Variants in FBXL7 observed in about 807,000 individuals in gnomAD.
FBXL7 encodes the protein F-box and leucine rich repeat protein 7, also known as F-box/LRR-repeat protein 7.
In FBXL7, 12 loss-of-function variants were observed where a neutral mutation model predicts 38.3. The observed-to-expected ratio is 0.31, with a 90% confidence interval of 0.20 to 0.51. The LOEUF is 0.51. FBXL7 is among the 20% of genes least tolerant of loss of function. FBXL7 has a pLI of 0.98. For synonymous variants in FBXL7, 297 were observed against 300.9 expected, an observed-to-expected ratio of 0.99 and a Z score of 0.13; for missense variants, 567 against 676.4, an observed-to-expected ratio of 0.84 and a Z score of 1.79.
chr5:15,769,623 A>G (rs1736677769), intron 2 of FBXL7, among the ~76,000 whole-genome samples: 2 of 152,212 alleles, frequency 1.3e-5, no homozygotes, highest in African/African-American at 2.4e-5. Flanking sequence ...TGTGGTAACT[A>G]TATCAAAATA....
chr5:15,705,053 T>C (rs903046604), intron 2 of FBXL7, among the ~76,000 whole-genome samples: 5 of 152,272 alleles, frequency 3.3e-5, no homozygotes, highest in African/African-American at 1.2e-4. Context: ...ACTCAGAGCT[T>C]CAGAGATGCC....
At chr5:15,709,975 A>G (rs139539767) in intron 2 of FBXL7, among the ~76,000 whole-genome samples, 7 of 152,244 alleles carry the variant, frequency 4.6e-5, no homozygotes, top group African/African-American at 1.4e-4. Context: ...ACCTATTAAA[A>G]CTATCACACT....
intron 1 of FBXL7, among the ~76,000 whole-genome samples, chr5:15,547,540 A>C (rs1450438701): frequency 6.6e-6 from 1 of 152,216 alleles, no homozygotes; most frequent in Admixed American, 6.5e-5. Flanking sequence ...GGCAGCCAGG[A>C]ATGGCAGATG....
At chr5:15,736,515 C>T (rs1489963804) in intron 2 of FBXL7, among the ~76,000 whole-genome samples, 1 of 152,162 alleles carries the variant, frequency 6.6e-6, no homozygotes, top group African/African-American at 2.4e-5. Flanking sequence ...ATAAATCACC[C>T]AATCTTAAAT....
At chr5:15,663,461 G>C (rs1742159965) in intron 2 of FBXL7, among the ~76,000 whole-genome samples, 1 of 152,164 alleles carries the variant, frequency 6.6e-6, no homozygotes, top group Admixed American at 6.5e-5. Context: ...CTGCAGGTTT[G>C]TCATAGATGG....
At chr5:15,804,029 CAA>C (rs1737640977) in intron 2 of FBXL7, among the ~76,000 whole-genome samples, 1 of 152,220 alleles carries the variant, frequency 6.6e-6, no homozygotes, top group Admixed American at 6.5e-5. Context: ...AGGATTCTTA[CAA>C]CCACATACTG....
chr5:15,616,160 T>C, intron 2 of FBXL7, 88 bp downstream of exon 2: 1 of 886,818 alleles, frequency 1.1e-6, no homozygotes, highest in Non-Finnish European at 1.8e-6. Context: ...GTGTTAGTTC[T>C]ATTCTCCTGA....
chr5:15,838,220 A>C (rs1158242791), intron 2 of FBXL7, among the ~76,000 whole-genome samples: 1 of 152,162 alleles, frequency 6.6e-6, no homozygotes, highest in Non-Finnish European at 1.5e-5. Context: ...TATAAGCCAC[A>C]AGATGGCTGG....
intron 1 of FBXL7, among the ~76,000 whole-genome samples, chr5:15,609,492 C>A (rs150815905): frequency 1.3e-5 from 2 of 152,338 alleles, no homozygotes; most frequent in South Asian, 2.1e-4. Context: ...AGCATCCTTT[C>A]ATTCAGTTTA....
At chr5:15,901,826 G>A (rs557366255) in intron 2 of FBXL7, among the ~76,000 whole-genome samples, 2 of 152,258 alleles carry the variant, frequency 1.3e-5, no homozygotes, top group South Asian at 2.1e-4. Flanking sequence ...TATGATTGCC[G>A]TGTCTTGCTG....
chr5:15,612,766 G>A (rs143699129), intron 1 of FBXL7, among the ~76,000 whole-genome samples: 221 of 152,282 alleles, frequency 1.5e-3, no homozygotes, highest in African/African-American at 4.8e-3. Context: ...TAGGAGGGAA[G>A]GGTTCCCTGA....
chr5:15,827,816 C>T (rs1176982988), intron 2 of FBXL7, among the ~76,000 whole-genome samples: 1 of 152,182 alleles, frequency 6.6e-6, no homozygotes, highest in Admixed American at 6.5e-5. Context: ...GCCAGTTTAT[C>T]TTGGAAGACT....
At chr5:15,780,103 G>A (rs1308931549) in intron 2 of FBXL7, among the ~76,000 whole-genome samples, 1 of 152,150 alleles carries the variant, frequency 6.6e-6, no homozygotes, top group Non-Finnish European at 1.5e-5. Flanking sequence ...AGTCTACAAA[G>A]GGAGCTGAAG....
intron 2 of FBXL7, among the ~76,000 whole-genome samples, chr5:15,635,867 A>G (rs1030196201): frequency 8.0e-5 from 12 of 150,828 alleles, no homozygotes; most frequent in African/African-American, 2.9e-4. Context: ...GGACCATGTG[A>G]GAGAGAATGT....
intron 2 of FBXL7, among the ~76,000 whole-genome samples, chr5:15,693,036 A>G (rs936582200): frequency 3.3e-5 from 5 of 152,108 alleles, no homozygotes; most frequent in Non-Finnish European, 5.9e-5. Flanking sequence ...CCAGACAGTG[A>G]TGGGATTTTA....
intron 2 of FBXL7, among the ~76,000 whole-genome samples, chr5:15,725,713 T>G (rs1744326858): frequency 6.6e-6 from 1 of 152,126 alleles, no homozygotes; most frequent in South Asian, 2.1e-4. Context: ...CTAGGCTCAC[T>G]GCAACCTCCA....
intron 1 of FBXL7, among the ~76,000 whole-genome samples, chr5:15,548,068 A>G (rs548699089): frequency 6.6e-6 from 1 of 152,330 alleles, no homozygotes; most frequent in East Asian, 1.9e-4. Context: ...ACATGAAAGG[A>G]TACTAGAAGC....
intron 2 of FBXL7, among the ~76,000 whole-genome samples, chr5:15,883,358 G>T (rs1345729385): frequency 6.6e-6 from 1 of 151,684 alleles, no homozygotes; most frequent in African/African-American, 2.4e-5. Flanking sequence ...CTACCATTTT[G>T]CCCCATTCTT....
At chr5:15,525,616 TG>T (rs1014089737) in intron 1 of FBXL7, among the ~76,000 whole-genome samples, 5 of 151,474 alleles carry the variant, frequency 3.3e-5, no homozygotes, top group Admixed American at 2.6e-4. Context: ...GTGTGGGGGG[TG>T]GGGGTGGTAT....
Sources: gnomAD v4.1 joint callset for allele counts (sites outside exome capture counted in the v4.1 genomes callset) on GRCh38, gnomAD v4.1.1 for gene constraint, MANE v1.5 for transcripts, NCBI Gene and HGNC (gene_info 2026-07-23, HGNC 2026-07-21) for gene names.